The following LSG1 variants were observed in gnomAD, a reference collection of about 807,000 sequenced individuals.
LSG1 encodes the protein large 60S subunit nuclear export GTPase 1.
A neutral mutation model predicts 82.6 loss-of-function variants in LSG1; 55 were observed. The ratio of observed to expected loss-of-function variants is 0.67; its 90% CI spans 0.54 to 0.83. LSG1 has a LOEUF of 0.83. Ranked by LOEUF, LSG1 falls within the 40% of genes least tolerant of loss-of-function variation. LSG1 has a pLI of 0.00. For synonymous variants in LSG1, 272 were observed against 282.5 expected (o/e 0.96, Z 0.37); for missense variants, 809 against 807.9 (o/e 1.00, Z -0.02).
chr3:194,664,899 A>G (rs1405515168), intron 5 of LSG1, among the ~76,000 whole-genome samples: 1 of 152,100 alleles, frequency 6.6e-6, no homozygotes, highest in Non-Finnish European at 1.5e-5. Context: ...CAGCCTGGGC[A>G]ATAAGAGCAA....
intron 12 of LSG1, chr3:194,645,029 A>G (rs189500091): frequency 1.5e-5 from 4 of 264,540 alleles, no homozygotes; most frequent in East Asian, 1.4e-4. Flanking sequence ...GTATACGGAC[A>G]TGATCATACT....
chr3:194,656,350 C>T (rs1228694304), intron 7 of LSG1, among the ~76,000 whole-genome samples: 1 of 151,102 alleles, frequency 6.6e-6, no homozygotes, highest in Non-Finnish European at 1.5e-5. Flanking sequence ...TATGAACAGA[C>T]ACTTCTCAAA....
chr3:194,662,315 C>T (rs1400734839), intron 5 of LSG1, among the ~76,000 whole-genome samples: 2 of 152,218 alleles, frequency 1.3e-5, no homozygotes, highest in Non-Finnish European at 2.9e-5. Flanking sequence ...AGGACTGGGA[C>T]CTCAGGCACA....
intron 5 of LSG1, 103 bp from the exon 6 acceptor site, chr3:194,660,236 A>G: frequency 1.2e-6 from 1 of 854,022 alleles, no homozygotes; most frequent in South Asian, 1.4e-5. Context: ...TATATTAAGC[A>G]CTGGACATAT....
chr3:194,649,008 C>T, intron 10 of LSG1: 1 of 472,658 alleles, frequency 2.1e-6, no homozygotes, highest in East Asian at 3.9e-5. Flanking sequence ...CACGACTTTT[C>T]CATATGAATT....
chr3:194,662,745 A>G (rs191270752), intron 5 of LSG1, among the ~76,000 whole-genome samples: 3 of 152,316 alleles, frequency 2.0e-5, no homozygotes, highest in South Asian at 2.1e-4. Context: ...CTGGGTAACA[A>G]GAGCGAAAGT....
Position 194,652,846 on chromosome 3 carries a change from T to TG in LSG1, c.1055dup (p.Gln353ThrfsTer9). ...TAAAATTGTGTATCTGCCTCTTCTG[T>TG]GGGGTTTTCCTGCTCCGAGCCTCAG... On this transcript the variant is annotated frameshift_variant, in exon 8 of 14. Coordinates refer to ENST00000265245, the MANE Select transcript of LSG1 (RefSeq NM_018385.3). LOFTEE classifies it high-confidence loss of function. 6 of 1,614,112 alleles carry TG rather than the reference T, an allele frequency of 3.7e-6. No homozygotes were observed. Among genetic ancestry groups the TG allele is most frequent in the Non-Finnish European group, 5.1e-6 (6 of 1,180,008 alleles).
chr3:194,656,428 C>G (rs1718791625), intron 7 of LSG1, among the ~76,000 whole-genome samples: 1 of 152,182 alleles, frequency 6.6e-6, no homozygotes, highest in African/African-American at 2.4e-5. Flanking sequence ...CAGAGACATG[C>G]AAATCAAAAC....
rs369961814 is a variant in LSG1, at chr3:194,648,790, A to G, written c.1434T>C (p.Ile478=). Reference sequence around the variant, plus strand: ...AGGTAGCTTCTAAAACATGTCTTGGAATATTCTGGCAAACGTAGCTTGTCA... The same window carrying G: ...AGGTAGCTTCTAAAACATGTCTTGGGATATTCTGGCAAACGTAGCTTGTCA... The part of the protein sequence containing the change: ...VPPVSLVCQN[I]PRHVLEATYG... The change falls in exon 11 of 14, where the codon ATT becomes ATC. Residue 478 remains isoleucine (I), a synonymous_variant. Coordinates refer to ENST00000265245, the MANE Select transcript of LSG1 (RefSeq NM_018385.3). 1.1e-5 allele frequency: 17 copies of G among 1,613,826 alleles called. No individual in the cohort carries two copies. The highest frequency in any genetic ancestry group is 1.3e-5 in the Non-Finnish European group (15 of 1,179,922).
rs763550320 is a variant in LSG1 at position 194,642,141 on chromosome 3, T to C, written c.1904A>G (p.Lys635Arg). 1.2e-6 allele frequency: 2 copies of C among 1,614,016 alleles called. No individual in the cohort carries two copies. The highest frequency in any genetic ancestry group is 3.3e-5 in the Admixed American group (2 of 60,018). Reference protein sequence around the residue: ...STASSENGAGKPWKKHGNRNK... With the variant: ...STASSENGAGRPWKKHGNRNK... Reference sequence around the variant, plus strand: ...TCTGTTGCCATGTTTTTTCCAGGGCTTCCCCGCCCCGTTCTCAGAGCTCGC... The same window carrying C: ...TCTGTTGCCATGTTTTTTCCAGGGCCTCCCCGCCCCGTTCTCAGAGCTCGC... The change falls in exon 14 of 14, where the codon AAG becomes AGG. Residue 635 changes from lysine to arginine, a missense_variant. Physicochemically the swap from Lys to Arg is conservative, Grantham distance 26 (BLOSUM62 2). Coordinates refer to ENST00000265245, the MANE Select transcript of LSG1 (RefSeq NM_018385.3).
At position 194,648,840 on chromosome 3, in the gene LSG1, T is replaced by C. The variant is rs543766224; in HGVS notation, c.1420-36A>G. ...AGGGAATCCATTCTCTTGAACGGAC[T>C]CCCTCCTCCCCATGGCATACAAATC... On this transcript the variant is annotated intron_variant, in intron 10 of 13. Coordinates refer to ENST00000265245, the MANE Select transcript of LSG1 (RefSeq NM_018385.3). 13 of 1,611,830 alleles carry C rather than the reference T, an allele frequency of 8.1e-6. No homozygotes were observed. In the South Asian group the frequency reaches 1.4e-4, roughly 18 times the overall value.
At chr3:194,645,649 T>G (rs1033952702) in intron 12 of LSG1, among the ~76,000 whole-genome samples, 1 of 149,230 alleles carries the variant, frequency 6.7e-6, no homozygotes, top group Non-Finnish European at 1.5e-5. Context: ...CCCATAATAA[T>G]CTCATGAGAT....
At position 194,648,654 on chromosome 3, in the gene LSG1, C is replaced by T. The variant is rs767974972; in HGVS notation, c.1543+27G>A. The T allele has an allele frequency of 4.9e-5, 79 of 1,611,840 alleles. 1 individual carries two copies. Among genetic ancestry groups the T allele is most frequent in the Non-Finnish European group, 5.9e-5 (70 of 1,179,014 alleles). On this transcript the variant is annotated intron_variant, in intron 11 of 13. Transcript: ENST00000265245. Reference sequence around the variant, plus strand: ...CATTAGGTATACTGTTACTTTTGTTCACATTTTCTGATGAATCACAACTTA... The same window carrying T: ...CATTAGGTATACTGTTACTTTTGTTTACATTTTCTGATGAATCACAACTTA...
chr3:194,657,089 G>C (rs1236898300), intron 7 of LSG1, among the ~76,000 whole-genome samples: 1 of 151,188 alleles, frequency 6.6e-6, no homozygotes, highest in Non-Finnish European at 1.5e-5. Flanking sequence ...CATGGCACAT[G>C]TATATATACG....
In LSG1 at chr3:194,653,003, G is replaced by A. The variant is rs375975830; in HGVS notation, c.899C>T (p.Thr300Met). The stretch of plus-strand genomic sequence containing the variant: ...CTCATACTCACTGTCATCTTCATCC[G>A]TTGTGGGATTTTCACTAAGTGAAGG... ...DSPSLSENPT[T>M]DEDDSEYEDC... The change falls in exon 8 of 14, where the codon ACG (threonine) becomes ATG (methionine). Residue 300 changes from threonine to methionine, a missense_variant. Coordinates refer to ENST00000265245, the MANE Select transcript of LSG1 (RefSeq NM_018385.3). 1.2e-5 allele frequency: 20 copies of A among 1,614,012 alleles called. No individual in the cohort carries two copies. Among genetic ancestry groups the A allele is most frequent in the African/African-American group, 6.7e-5 (5 of 74,904 alleles).
intron 1 of LSG1, among the ~76,000 whole-genome samples, 161 bp from the exon 2 acceptor site, chr3:194,670,296 A>G (rs1055887420): frequency 6.6e-6 from 1 of 152,220 alleles, no homozygotes; most frequent in Non-Finnish European, 1.5e-5. Context: ...ACACGTTCTT[A>G]CCTCACAATA....
At chr3:194,649,894 C>G (rs1240030531) in intron 10 of LSG1, among the ~76,000 whole-genome samples, 1 of 151,522 alleles carries the variant, frequency 6.6e-6, no homozygotes. Context: ...AGTAAAATCT[C>G]AGACCTTGCA....
intron 2 of LSG1, among the ~76,000 whole-genome samples, chr3:194,666,843 C>CATTATT (rs1719039783): frequency 6.6e-6 from 1 of 152,070 alleles, no homozygotes; most frequent in Admixed American, 6.5e-5. Context: ...CATTCAGTTT[C>CATTATT]CAAGTTTTCA....
chr3:194,645,529 CAG>C (rs3988145), intron 12 of LSG1: 9,334 of 44,688 alleles, frequency 0.21, 1,375 homozygotes, highest in East Asian at 0.24. Flanking sequence ...CACACACACA[CAG>C]ACAGACACAC....
Sources: allele counts gnomAD v4.1 joint callset (sites outside exome capture counted in the v4.1 genomes callset), GRCh38; gene constraint gnomAD v4.1.1; transcripts MANE v1.5; gene names NCBI Gene and HGNC (gene_info 2026-07-23, HGNC 2026-07-21).